TMTC1: variants seen among roughly 807,000 people sequenced by gnomAD.
TMTC1 encodes the protein transmembrane O-mannosyltransferase targeting cadherins 1, also known as protein O-mannosyl-transferase TMTC1.
TMTC1 carries 73 observed loss-of-function variants against 104.8 expected under a neutral mutation model. The observed-to-expected ratio is 0.70, with a 90% CI of 0.58 to 0.85. The LOEUF (loss-of-function observed/expected upper bound fraction) is 0.85, where lower values mean the gene tolerates loss of function less well. Ranked by LOEUF, TMTC1 falls within the 40% of genes least tolerant of loss-of-function variation. The pLI is 0.00. For synonymous variants in TMTC1, 434 were observed against 428.7 expected, an observed-to-expected ratio of 1.01 and a Z score of -0.15; for missense variants, 1,035 against 1,096.1, an observed-to-expected ratio of 0.94 and a Z score of 0.79.
Position 29,514,568 on chromosome 12 carries a change from G to C in TMTC1, c.2344C>G (p.Pro782Ala), listed in dbSNP as rs202226108. 2 of 1,614,034 alleles carry C rather than the reference G, an allele frequency of 1.2e-6. No homozygotes were observed. The change falls in exon 16 of 18, where the codon CCA becomes GCA. Residue 782 changes from proline to alanine, a missense_variant. Transcript: ENST00000539277. Reference sequence around the variant, plus strand: ...TCAGAAATGACTTTTGGGTCCTTTGGTTTCAGCTGGAGAGCCTTGTCTATA... The same window carrying C: ...TCAGAAATGACTTTTGGGTCCTTTGCTTTCAGCTGGAGAGCCTTGTCTATA... ...DAIDKALQLKPKDPKVISELF... is the reference protein window; with the variant it reads ...DAIDKALQLKAKDPKVISELF...
chr12:29,666,228 C>CTTTTTTT lies in TMTC1; in HGVS notation c.939-32899_939-32893dup, dbSNP rs751968439. The CTTTTTTT allele has an allele frequency of 7.8e-4, 286 of 366,050 alleles. 1 individual carries two copies. Among genetic ancestry groups the CTTTTTTT allele is most frequent in the East Asian group, 1.4e-3 (18 of 12,448 alleles). The allele number at this position is 366,050 out of a possible 1,614,324, so 22.7% of individuals were successfully genotyped here. A position where few individuals can be genotyped will look rare whatever the true frequency, so the allele number is the denominator to read the frequency against. On this transcript the variant is annotated intron_variant, in intron 5 of 17. Coordinates refer to ENST00000539277, the MANE Select transcript of TMTC1 (RefSeq NM_001193451.2). Reference sequence around the variant, plus strand: ...TCTTTTCTTTCTTTTTTTCTTTTTTCTTTTTTTTTTTTTTTTGGAGACGGA... The same window carrying CTTTTTTT: ...TCTTTTCTTTCTTTTTTTCTTTTTTCTTTTTTTTTTTTTTTTTTTTTTTGGAGACGGA...
At chr12:29,588,400 G>A (rs1946195363) in intron 7 of TMTC1, among the ~76,000 whole-genome samples, 2 of 152,174 alleles carry the variant, frequency 1.3e-5, no homozygotes, top group Non-Finnish European at 2.9e-5. Flanking sequence ...CACAGTGGCT[G>A]CTCAAGTTCA....
Position 29,520,610 on chromosome 12 carries a change from T to G in TMTC1, c.1888+8A>C. ...TCAGCAGTACAGTTTCTCTTTAATTTCACTTACCAGTATCAACTAAGAAAA... is the reference window on the plus strand; with the variant it reads ...TCAGCAGTACAGTTTCTCTTTAATTGCACTTACCAGTATCAACTAAGAAAA... On this transcript the variant is annotated splice_region_variant and intron_variant, in intron 12 of 17. Coordinates refer to ENST00000539277, the MANE Select transcript of TMTC1 (RefSeq NM_001193451.2). 6.2e-7 allele frequency: 1 copy of G among 1,602,920 alleles called. No individual in the cohort carries two copies. Among genetic ancestry groups the G allele is most frequent in the South Asian group, 1.1e-5 (1 of 90,002 alleles).
chr12:29,536,463 T>G, intron 10 of TMTC1, 146 bp from the exon 11 acceptor site: 1 of 609,706 alleles, frequency 1.6e-6, no homozygotes, highest in East Asian at 2.9e-5. Flanking sequence ...TAAACTACAT[T>G]GTCTCAAGGT....
intron 8 of TMTC1, among the ~76,000 whole-genome samples, chr12:29,573,285 A>C (rs1198086161): frequency 6.6e-6 from 1 of 152,210 alleles, no homozygotes; most frequent in East Asian, 1.9e-4. Context: ...AGTGGTGGAA[A>C]AAAGGCAAAA....
At chr12:29,697,461 C>A (rs1270130130) in intron 5 of TMTC1, among the ~76,000 whole-genome samples, 1 of 152,228 alleles carries the variant, frequency 6.6e-6, no homozygotes, top group Admixed American at 6.5e-5. Context: ...AAGTAACTAT[C>A]TTTTCAAATC....
chr12:29,720,945 G>T (rs1463833059), intron 5 of TMTC1, among the ~76,000 whole-genome samples: 1 of 152,128 alleles, frequency 6.6e-6, no homozygotes, highest in Non-Finnish European at 1.5e-5. Context: ...AAGTGGCAGA[G>T]TGGTGACCTA....
chr12:29,532,443 A>G (rs1270150919), intron 11 of TMTC1: 1 of 152,200 alleles, frequency 6.6e-6, no homozygotes, highest in Non-Finnish European at 1.5e-5. Flanking sequence ...ATAAAAAGGA[A>G]TCCAAATGTC....
chr12:29,663,901 G>T (rs1269892188), intron 5 of TMTC1, among the ~76,000 whole-genome samples: 1 of 152,128 alleles, frequency 6.6e-6, no homozygotes, highest in African/African-American at 2.4e-5. Flanking sequence ...CTGGTTTCCT[G>T]AGAAAGTCCA....
chr12:29,734,272 T>C (rs142941056), intron 5 of TMTC1, among the ~76,000 whole-genome samples: 1 of 152,354 alleles, frequency 6.6e-6, no homozygotes, highest in African/African-American at 2.4e-5. Flanking sequence ...TTATTTCTCC[T>C]GAAATACCCT....
chr12:29,614,092 C>G (rs1246722193), intron 6 of TMTC1: 1 of 173,146 alleles, frequency 5.8e-6, no homozygotes, highest in Non-Finnish European at 1.1e-5. Flanking sequence ...CCTACTTTAT[C>G]AAACTACGGA....
At chr12:29,736,703 C>A (rs564775779) in intron 5 of TMTC1, among the ~76,000 whole-genome samples, 1 of 152,296 alleles carries the variant, frequency 6.6e-6, no homozygotes, top group South Asian at 2.1e-4. Flanking sequence ...CAGGCGTAAG[C>A]CACCAGGCCC....
At chr12:29,698,426 T>A (rs1406156906) in intron 5 of TMTC1, among the ~76,000 whole-genome samples, 1 of 152,208 alleles carries the variant, frequency 6.6e-6, no homozygotes, top group Non-Finnish European at 1.5e-5. Flanking sequence ...GTCTATCTAT[T>A]GTCAGTACAT....
chr12:29,687,660 G>A (rs1941137182), intron 5 of TMTC1, among the ~76,000 whole-genome samples: 1 of 152,208 alleles, frequency 6.6e-6, no homozygotes, highest in South Asian at 2.1e-4. Context: ...AGCTAGGACT[G>A]TCACTACAAA....
rs1943574631 is a variant in TMTC1 at position 29,500,955 on chromosome 12, T to G, written c.*5891A>C. ...GGAGAAATACTTTATGGAAGATAAATTCTAACGGGCACAGCCAAAGTAACA... is the reference window on the plus strand; with the variant it reads ...GGAGAAATACTTTATGGAAGATAAAGTCTAACGGGCACAGCCAAAGTAACA... On this transcript the variant is annotated 3_prime_UTR_variant, in exon 18 of 18. Transcript: ENST00000539277. The G allele has an allele frequency of 6.6e-6, 1 of 151,876 alleles. No individual in the cohort carries two copies. 9.4% of individuals were successfully genotyped at this position (151,876 alleles called of 1,614,324 possible). A position where few individuals can be genotyped will look rare whatever the true frequency, so the allele number is the denominator to read the frequency against.
intron 5 of TMTC1, chr12:29,660,087 C>A: frequency 1.2e-6 from 1 of 861,748 alleles, no homozygotes. Flanking sequence ...GTCACCCCTT[C>A]CCTTAAATCT....
At chr12:29,516,786 T>G (rs948362762) in intron 14 of TMTC1, among the ~76,000 whole-genome samples, 2 of 152,234 alleles carry the variant, frequency 1.3e-5, no homozygotes, top group Non-Finnish European at 2.9e-5. Flanking sequence ...GAATTTCCTC[T>G]GATTTCATCA....
At chr12:29,661,574 G>GCC (rs879438092) in intron 5 of TMTC1, among the ~76,000 whole-genome samples, 1 of 149,138 alleles carries the variant, frequency 6.7e-6, no homozygotes, top group African/African-American at 2.5e-5. Context: ...GGTACTTTTT[G>GCC]TATTTTTAGT....
At chr12:29,767,098 C>T (rs1042788658) in intron 2 of TMTC1, among the ~76,000 whole-genome samples, 4 of 151,862 alleles carry the variant, frequency 2.6e-5, no homozygotes, top group Admixed American at 6.6e-5. Flanking sequence ...TACAGGCACC[C>T]GCCACTGCAC....
Sources: gnomAD v4.1 joint callset for allele counts (sites outside exome capture counted in the v4.1 genomes callset) on GRCh38, gnomAD v4.1.1 for gene constraint, MANE v1.5 for transcripts, NCBI Gene and HGNC (gene_info 2026-07-23, HGNC 2026-07-21) for gene names.